Variants in GALNT18 observed in about 807,000 individuals in gnomAD.
GALNT18 encodes GalNAc-transferase 18.
In GALNT18, 44 loss-of-function variants were observed where a neutral mutation model predicts 69.5. That is an observed-to-expected ratio of 0.63 (90% CI 0.50 to 0.81). The LOEUF (loss-of-function observed/expected upper bound fraction) is 0.81. Ranked by LOEUF, GALNT18 falls within the 40% of genes least tolerant of loss-of-function variation. GALNT18 has a pLI of 0.00. For missense variants in GALNT18, 715 were observed against 810.0 expected (o/e 0.88, Z 1.42); for synonymous variants, 364 against 318.2 (o/e 1.14, Z -1.53).
chr11:11,472,134 T>C (rs2133855098), intron 1 of GALNT18, among the ~76,000 whole-genome samples: 1 of 152,374 alleles, frequency 6.6e-6, no homozygotes, highest in East Asian at 1.9e-4. Flanking sequence ...TAGGCACAGC[T>C]GATAGCAACC....
chr11:11,613,015 C>G lies in GALNT18; in HGVS notation c.235+8344G>C, dbSNP rs554704978. ...GTGGCTGGACACTCAGGGGTTTCCA[C>G]TAGCATCATTAAGGACAGCTTCATC... On this transcript the variant is annotated intron_variant, in intron 1 of 10. Transcript: ENST00000227756. This position sits in a 1 kb window ranked among gnomAD's most constrained non-coding sequence, Gnocchi z 4.2. Among the ~76,000 whole-genome samples the G allele has an allele frequency of 4.6e-5, 7 of 152,292 alleles. No homozygotes were observed. The highest frequency in any genetic ancestry group is 3.4e-3 in the Middle Eastern group (1 of 294).
At position 11,591,619 on chromosome 11, in the gene GALNT18, G is replaced by A. The variant is rs1283008879; in HGVS notation, c.235+29740C>T. ...AGCAGCCCCCCCAGTGAGTCCTGCT[G>A]TCATTTTAAAACAACTTTATGGAAA... On this transcript the variant is annotated intron_variant, in intron 1 of 10. Transcript: ENST00000227756. This position sits in a 1 kb window ranked among gnomAD's most constrained non-coding sequence, Gnocchi z 4.8. Among the ~76,000 whole-genome samples, 2 of 152,136 alleles carry A rather than the reference G, an allele frequency of 1.3e-5. No homozygotes were observed. The highest frequency in any genetic ancestry group is 1.3e-4 in the Admixed American group (2 of 15,278).
Position 11,314,828 on chromosome 11 carries a change from G to A in GALNT18, c.1512+12258C>T, listed in dbSNP as rs988199740. Among the ~76,000 whole-genome samples the A allele has an allele frequency of 6.0e-5, 9 of 150,190 alleles. No homozygotes were observed. Among genetic ancestry groups the A allele is most frequent in the East Asian group, 5.8e-4 (3 of 5,164 alleles). On this transcript the variant is annotated intron_variant, in intron 9 of 10. Transcript: ENST00000227756. The surrounding 1 kb of genome is among the most constrained non-coding windows in gnomAD (Gnocchi z 5.2). Reference sequence around the variant, plus strand: ...GGTAGCCCTCCTCTTCCCAGCCTTCGCCGTGGGAGCAGTTGCTCCTGGCTG... The same window carrying A: ...GGTAGCCCTCCTCTTCCCAGCCTTCACCGTGGGAGCAGTTGCTCCTGGCTG...
chr11:11,542,559 T>C lies in GALNT18; in HGVS notation c.235+78800A>G, dbSNP rs1400807442. Reference sequence around the variant, plus strand: ...ATGTCCTTGTTCCGGAAAACAGTCATGCCAAGCTCAAAGAAGAAGGAACTA... The same window carrying C: ...ATGTCCTTGTTCCGGAAAACAGTCACGCCAAGCTCAAAGAAGAAGGAACTA... On this transcript the variant is annotated intron_variant, in intron 1 of 10. Transcript: ENST00000227756. This position sits in a 1 kb window ranked among gnomAD's most constrained non-coding sequence, Gnocchi z 4.3. Among the ~76,000 whole-genome samples the C allele has an allele frequency of 1.3e-5, 2 of 152,208 alleles. No homozygotes were observed. Among genetic ancestry groups the C allele is most frequent in the Non-Finnish European group, 2.9e-5 (2 of 68,036 alleles).
chr11:11,361,339 A>G (rs1006841206), intron 6 of GALNT18, among the ~76,000 whole-genome samples: 2 of 152,200 alleles, frequency 1.3e-5, no homozygotes, highest in East Asian at 3.8e-4. Flanking sequence ...AGCAAGTTAT[A>G]TCACCTCTCT....
At chr11:11,561,353 ACT>A (rs1858500840) in intron 1 of GALNT18, among the ~76,000 whole-genome samples, 1 of 151,314 alleles carries the variant, frequency 6.6e-6, no homozygotes, top group Non-Finnish European at 1.5e-5. Context: ...CAAATGAAGC[ACT>A]GTGCTGTAGG....
rs745378831 is a variant in GALNT18 at position 11,463,567 on chromosome 11, G to C, written c.236-14631C>G. ...CGTGCCATCACTCCCAGCAGCTGTC[G>C]GCTCACTGGACGTCTTTTCATTACT... On this transcript the variant is annotated intron_variant, in intron 1 of 10. Coordinates refer to ENST00000227756, the MANE Select transcript of GALNT18 (RefSeq NM_198516.3). This position sits in a 1 kb window ranked among gnomAD's most constrained non-coding sequence, Gnocchi z 4.2. Among the ~76,000 whole-genome samples, 2 of 152,072 alleles carry C rather than the reference G, an allele frequency of 1.3e-5. No individual in the cohort carries two copies. The highest frequency in any genetic ancestry group is 2.9e-5 in the Non-Finnish European group (2 of 68,020).
In GALNT18 at chr11:11,529,636, T is replaced by TAC. The variant is rs750630145; in HGVS notation, c.236-80701_236-80700insGT. Among the ~76,000 whole-genome samples, 1,206 of 141,354 alleles carry TAC rather than the reference T, an allele frequency of 8.5e-3. 14 individuals are homozygous for TAC. Among genetic ancestry groups the TAC allele is most frequent in the African/African-American group, 0.029 (1,146 of 39,950 alleles). The allele number at this position is 141,354 out of a possible 152,430, so 92.7% of individuals were successfully genotyped here. On this transcript the variant is annotated intron_variant, in intron 1 of 10. Transcript: ENST00000227756. The stretch of plus-strand genomic sequence containing the variant: ...TTATAATAATCTCCTTATATATATA[T>TAC]ATACACACACACACACACACAGAGA...
Position 11,540,344 on chromosome 11 carries a change from T to A in GALNT18, c.235+81015A>T, listed in dbSNP as rs548000665. Among the ~76,000 whole-genome samples the A allele has an allele frequency of 1.9e-4, 29 of 152,220 alleles. No individual in the cohort carries two copies. Among genetic ancestry groups the A allele is most frequent in the African/African-American group, 6.7e-4 (28 of 41,518 alleles). On this transcript the variant is annotated intron_variant, in intron 1 of 10. Coordinates refer to ENST00000227756, the MANE Select transcript of GALNT18 (RefSeq NM_198516.3). This position sits in a 1 kb window ranked among gnomAD's most constrained non-coding sequence, Gnocchi z 4.6. ...GCCATGGAAACTTGTGACTCCTACA[T>A]CCCTGATGCTAGGACAAGAGCATGC...
rs1268587756 is a variant in GALNT18, at chr11:11,496,173, C to A, written c.236-47237G>T. On this transcript the variant is annotated intron_variant, in intron 1 of 10. Coordinates refer to ENST00000227756, the MANE Select transcript of GALNT18 (RefSeq NM_198516.3). This position sits in a 1 kb window ranked among gnomAD's most constrained non-coding sequence, Gnocchi z 4.0. Reference sequence around the variant, plus strand: ...ACAAATATGGAGAAAGCGTCTCTTGCAAACACTTCTCCACTAACTTAAAGG... The same window carrying A: ...ACAAATATGGAGAAAGCGTCTCTTGAAAACACTTCTCCACTAACTTAAAGG... 6.6e-6 allele frequency among the ~76,000 whole-genome samples: 1 copy of A among 152,198 alleles called. No individual in the cohort carries two copies. The highest frequency in any genetic ancestry group is 1.5e-5 in the Non-Finnish European group (1 of 68,036).
chr11:11,483,171 C>T (rs536726584), intron 1 of GALNT18, among the ~76,000 whole-genome samples: 1 of 115,118 alleles, frequency 8.7e-6, no homozygotes, highest in South Asian at 2.7e-4. Context: ...ACTGTCTTGC[C>T]TCCTTGCCTC....
chr11:11,321,129 T>A (rs369240739), intron 9 of GALNT18, among the ~76,000 whole-genome samples: 2 of 152,188 alleles, frequency 1.3e-5, no homozygotes, highest in African/African-American at 4.8e-5. Context: ...CCACGCCAAC[T>A]GAATTTCAAA....
chr11:11,307,991 C>T (rs746502722), intron 9 of GALNT18, among the ~76,000 whole-genome samples: 2 of 152,218 alleles, frequency 1.3e-5, no homozygotes, highest in Non-Finnish European at 2.9e-5. Context: ...GTGGCTGCAG[C>T]ACAAGGAGAT....
chr11:11,571,471 A>C (rs1858792345), intron 1 of GALNT18, among the ~76,000 whole-genome samples: 1 of 152,196 alleles, frequency 6.6e-6, no homozygotes, highest in African/African-American at 2.4e-5. Flanking sequence ...GAAGCCCCCC[A>C]AGGCTCTAGT....
chr11:11,295,736 G>T lies in GALNT18; in HGVS notation c.1513-2543C>A, dbSNP rs757231526. Among the ~76,000 whole-genome samples, 113 of 152,212 alleles carry T rather than the reference G, an allele frequency of 7.4e-4. 1 individual carries two copies. Among genetic ancestry groups the T allele is most frequent in the Admixed American group, 4.1e-3 (63 of 15,282 alleles). On this transcript the variant is annotated intron_variant, in intron 9 of 10. Coordinates refer to ENST00000227756, the MANE Select transcript of GALNT18 (RefSeq NM_198516.3). ...GTCACTTTACAAGTTATCAAGCTTG[G>T]CAAATCCATGGTAATTGATATCAAA...
Position 11,478,213 on chromosome 11 carries a change from G to C in GALNT18, c.236-29277C>G, listed in dbSNP as rs150052714. ...GACCACAGAAGCAACACTGGGAGCT[G>C]GAAGGCAATGAATCAGCACCTTCAA... On this transcript the variant is annotated intron_variant, in intron 1 of 10. Coordinates refer to ENST00000227756, the MANE Select transcript of GALNT18 (RefSeq NM_198516.3). Among the ~76,000 whole-genome samples, 18 of 152,350 alleles carry C rather than the reference G, an allele frequency of 1.2e-4. No homozygotes were observed. The East Asian group carries it at 1.3e-3, about 11-fold the overall frequency.
intron 2 of GALNT18, among the ~76,000 whole-genome samples, chr11:11,440,573 G>A (rs1340813920): frequency 6.6e-6 from 1 of 152,238 alleles, no homozygotes; most frequent in Non-Finnish European, 1.5e-5. Context: ...CTGACGCCCA[G>A]AATTCTGGGG....
chr11:11,570,420 G>A (rs373022441), intron 1 of GALNT18, among the ~76,000 whole-genome samples: 4 of 152,168 alleles, frequency 2.6e-5, no homozygotes, highest in African/African-American at 7.2e-5. Context: ...TAGCCTCTGC[G>A]CACGACCCAA....
chr11:11,605,310 T>A lies in GALNT18; in HGVS notation c.235+16049A>T, dbSNP rs527667913. 3.4e-4 allele frequency among the ~76,000 whole-genome samples: 52 copies of A among 152,200 alleles called. No individual in the cohort carries two copies. Among genetic ancestry groups the A allele is most frequent in the Middle Eastern group, 3.4e-3 (1 of 294 alleles). On this transcript the variant is annotated intron_variant, in intron 1 of 10. Coordinates refer to ENST00000227756, the MANE Select transcript of GALNT18 (RefSeq NM_198516.3). This position sits in a 1 kb window ranked among gnomAD's most constrained non-coding sequence, Gnocchi z 4.7. ...CACCTGGGCCATCTCCTCAAGGGAT[T>A]TCCACAGGCAAGCAAGAAACACCCT...
Sources: gnomAD v4.1 joint callset for allele counts (sites outside exome capture counted in the v4.1 genomes callset) on GRCh38, gnomAD v4.1.1 for gene constraint, Gnocchi (gnomAD v3.1) non-coding constraint, MANE v1.5 for transcripts, NCBI Gene and HGNC (gene_info 2026-07-23, HGNC 2026-07-21) for gene names.